The following PPP4R3B variants were observed in gnomAD, a reference collection of about 807,000 sequenced individuals.
PPP4R3B encodes serine/threonine-protein phosphatase 4 regulatory subunit 3B.
A neutral mutation model predicts 95.4 loss-of-function variants in PPP4R3B; 52 were observed. The ratio of observed to expected loss-of-function variants is 0.54; its 90% CI spans 0.44 to 0.69. PPP4R3B has a LOEUF of 0.69. PPP4R3B is among the 30% of genes least tolerant of loss of function. The pLI, the probability that PPP4R3B is intolerant of heterozygous loss-of-function variation, is 0.00. For synonymous variants in PPP4R3B, 407 were observed against 343.9 expected, an observed-to-expected ratio of 1.18 and a Z score of -2.03; for missense variants, 1,003 against 1,005.9, an observed-to-expected ratio of 1.00 and a Z score of 0.04.
Position 55,598,495 on chromosome 2 carries a change from G to T in PPP4R3B, c.842C>A (p.Ser281Tyr), listed in dbSNP as rs757826844. 2 of 1,614,172 alleles carry T rather than the reference G, an allele frequency of 1.2e-6. No homozygotes were observed. Among genetic ancestry groups the T allele is most frequent in the East Asian group, 4.5e-5 (2 of 44,862 alleles). ...AGAAAGAAAATTCTCTTCAAAAACAGATGGTGTGGGCAAAATGATGTCCTG... is the reference window on the plus strand; with the variant it reads ...AGAAAGAAAATTCTCTTCAAAAACATATGGTGTGGGCAAAATGATGTCCTG... ...YIQDIILPTP[S>Y]VFEENFLSTL... is the part of the protein sequence containing the mutation. Residue 281 changes from serine to tyrosine, a missense_variant, in exon 4 of 17, where the codon TCT (serine) becomes TAT (tyrosine). Physicochemically the swap from Ser to Tyr is moderately radical, Grantham distance 144. This residue lies in a region of PPP4R3B where 695 missense variants were observed against 686.2 expected (regional missense o/e 1.01). Transcript: ENST00000616407.
chr2:55,602,530 T>C (rs1255988672), intron 3 of PPP4R3B, among the ~76,000 whole-genome samples: 2 of 152,216 alleles, frequency 1.3e-5, no homozygotes, highest in Non-Finnish European at 2.9e-5. Context: ...ATTCTTGACC[T>C]CTGGAGGTGC....
intron 12 of PPP4R3B, among the ~76,000 whole-genome samples, chr2:55,569,663 T>C (rs1687746034): frequency 6.6e-6 from 1 of 152,158 alleles, no homozygotes; most frequent in Non-Finnish European, 1.5e-5. Context: ...TACCTATCAA[T>C]GGAGATGGTT....
At chr2:55,591,079 A>T (rs1358832702) in intron 4 of PPP4R3B, among the ~76,000 whole-genome samples, 1 of 151,160 alleles carries the variant, frequency 6.6e-6, no homozygotes, top group Non-Finnish European at 1.5e-5. Flanking sequence ...CAGCCTGAAC[A>T]TCCATCTTTT....
intron 11 of PPP4R3B, among the ~76,000 whole-genome samples, chr2:55,574,915 T>C (rs1199400342): frequency 4.8e-5 from 7 of 146,840 alleles, no homozygotes. Context: ...CATGATTTAA[T>C]ATAATTTCAT....
At chr2:55,583,734 C>G (rs1238817975) in intron 7 of PPP4R3B, among the ~76,000 whole-genome samples, 2 of 152,072 alleles carry the variant, frequency 1.3e-5, no homozygotes, top group Non-Finnish European at 2.9e-5. Context: ...GCAGCATTAG[C>G]CCAAGTTGAT....
intron 12 of PPP4R3B, among the ~76,000 whole-genome samples, chr2:55,568,797 A>T (rs1687618845): frequency 6.6e-6 from 1 of 152,196 alleles, no homozygotes; most frequent in Non-Finnish European, 1.5e-5. Context: ...ACTGTCATTA[A>T]GGTGGGCACA....
chr2:55,575,786 C>A, intron 11 of PPP4R3B, among the ~76,000 whole-genome samples: 1 of 151,934 alleles, frequency 6.6e-6, no homozygotes, highest in Non-Finnish European at 1.5e-5. Flanking sequence ...CACAGGCTTA[C>A]GGAATTTTTA....
intron 2 of PPP4R3B, chr2:55,615,001 C>T (rs1247826272): frequency 6.5e-6 from 1 of 153,120 alleles, no homozygotes; most frequent in Non-Finnish European, 1.5e-5. Context: ...ATTAAAAATA[C>T]ACAACAATTA....
intron 11 of PPP4R3B, 109 bp from the exon 12 acceptor site, chr2:55,573,886 CTTTTTTTT>C (rs369126683): frequency 1.1e-5 from 3 of 277,164 alleles, no homozygotes; most frequent in Non-Finnish European, 1.7e-5. Flanking sequence ...GTATTTCCTC[CTTTTTTTT>C]TTTTTTTTTT....
intron 13 of PPP4R3B, chr2:55,565,754 A>G: frequency 4.8e-6 from 1 of 209,848 alleles, no homozygotes; most frequent in Middle Eastern, 7.7e-4. Flanking sequence ...AAATGAGCCT[A>G]ACTCTGCCAC....
intron 4 of PPP4R3B, chr2:55,591,424 T>C (rs767317974): frequency 1.3e-5 from 9 of 670,872 alleles, no homozygotes; most frequent in Non-Finnish European, 1.7e-5. Flanking sequence ...ACTACAGGCA[T>C]GAGCCACCAT....
intron 8 of PPP4R3B, among the ~76,000 whole-genome samples, chr2:55,581,109 C>A (rs1689382098): frequency 6.6e-6 from 1 of 151,922 alleles, no homozygotes; most frequent in African/African-American, 2.4e-5. Context: ...AAAAATTAGC[C>A]AGGTGTGGTG....
intron 12 of PPP4R3B, among the ~76,000 whole-genome samples, chr2:55,572,345 A>G (rs944645700): frequency 1.2e-4 from 19 of 152,226 alleles, no homozygotes; most frequent in Non-Finnish European, 1.9e-4. Flanking sequence ...GCAAAGACAA[A>G]AGACAATGAA....
chr2:55,600,816 A>G (rs933112251), intron 3 of PPP4R3B, among the ~76,000 whole-genome samples: 2 of 152,222 alleles, frequency 1.3e-5, no homozygotes, highest in African/African-American at 2.4e-5. Context: ...TAAAAGAGGG[A>G]AAAAAACATG....
chr2:55,564,763 G>T (rs1001849080), intron 14 of PPP4R3B, 139 bp downstream of exon 14: 6 of 925,888 alleles, frequency 6.5e-6, no homozygotes, highest in Admixed American at 3.0e-5. Context: ...TAGGGGGGAC[G>T]CCTTACCCTC....
chr2:55,550,709 G>T (rs377099312), intron 16 of PPP4R3B, among the ~76,000 whole-genome samples: 5 of 152,112 alleles, frequency 3.3e-5, no homozygotes, highest in African/African-American at 1.2e-4. Flanking sequence ...GGTTAAGAGG[G>T]CTACTGTAAA....
intron 4 of PPP4R3B, among the ~76,000 whole-genome samples, chr2:55,594,075 T>G (rs537483325): frequency 6.6e-6 from 1 of 152,204 alleles, no homozygotes; most frequent in East Asian, 1.9e-4. Flanking sequence ...AAATCATATA[T>G]CGCATGTTCT....
At chr2:55,589,804 T>C (rs1690705752) in intron 4 of PPP4R3B, among the ~76,000 whole-genome samples, 1 of 150,310 alleles carries the variant, frequency 6.7e-6, no homozygotes. Flanking sequence ...TAGTGGCAGC[T>C]ACCTGGGAGG....
At chr2:55,589,970 T>TATATATAATTATATATATATTC (rs1690755711) in intron 4 of PPP4R3B, among the ~76,000 whole-genome samples, 1 of 142,136 alleles carries the variant, frequency 7.0e-6, no homozygotes, top group Admixed American at 7.2e-5. Flanking sequence ...TATATATATT[T>TATATATAATTATATATATATTC]ATATATATAT....
Sources: gnomAD v4.1 joint callset for allele counts (sites outside exome capture counted in the v4.1 genomes callset) on GRCh38, gnomAD v4.1.1 for gene constraint, gnomAD v4.1.1 regional missense constraint, MANE v1.5 for transcripts, NCBI Gene and HGNC (gene_info 2026-07-23, HGNC 2026-07-21) for gene names.